The following GRM3 variants were observed in gnomAD, a reference collection of about 807,000 sequenced individuals.
GRM3 encodes metabotropic glutamate receptor 3.
A neutral mutation model predicts 70.5 loss-of-function variants in GRM3; 26 were observed. The observed-to-expected ratio is 0.37, with a 90% CI of 0.27 to 0.51. The LOEUF (loss-of-function observed/expected upper bound fraction) is 0.51. Ranked by LOEUF, GRM3 falls within the 20% of genes least tolerant of loss-of-function variation. The pLI, the probability that GRM3 is intolerant of heterozygous loss-of-function variation, is 0.93. For synonymous variants in GRM3, 443 were observed against 434.9 expected (o/e 1.02, Z -0.23); for missense variants, 859 against 1,123.8 (o/e 0.76, Z 3.37).
intron 1 of GRM3, among the ~76,000 whole-genome samples, chr7:86,654,434 A>T (rs746736809): frequency 3.3e-5 from 5 of 152,184 alleles, no homozygotes; most frequent in Non-Finnish European, 7.3e-5. Flanking sequence ...GGCTTTCTTG[A>T]CCGTTCTGAT....
At chr7:86,782,335 T>C (rs1797092344) in intron 2 of GRM3, among the ~76,000 whole-genome samples, 1 of 151,924 alleles carries the variant, frequency 6.6e-6, no homozygotes. Flanking sequence ...GGTGGTTTTT[T>C]TTTTTTGTAT....
intron 3 of GRM3, among the ~76,000 whole-genome samples, chr7:86,801,870 A>G (rs1303024739): frequency 6.6e-6 from 1 of 152,204 alleles, no homozygotes; most frequent in Admixed American, 6.5e-5. Flanking sequence ...TTGGAACCGT[A>G]AAGTGTTGTT....
At chr7:86,706,955 T>C (rs1795073171) in intron 1 of GRM3, among the ~76,000 whole-genome samples, 1 of 152,160 alleles carries the variant, frequency 6.6e-6, no homozygotes, top group South Asian at 2.1e-4. Context: ...TAGATATTTT[T>C]CAGTGAACGT....
intron 1 of GRM3, among the ~76,000 whole-genome samples, chr7:86,716,255 A>G (rs1184670490): frequency 6.6e-6 from 1 of 151,950 alleles, no homozygotes; most frequent in Non-Finnish European, 1.5e-5. Flanking sequence ...AAATAATTCT[A>G]TGACAGAGTA....
chr7:86,806,647 C>T (rs537336415), intron 3 of GRM3, among the ~76,000 whole-genome samples: 1 of 152,090 alleles, frequency 6.6e-6, no homozygotes, highest in South Asian at 2.1e-4. Context: ...GGATATTAGC[C>T]CTTTGTCAGA....
intron 1 of GRM3, among the ~76,000 whole-genome samples, chr7:86,651,266 T>C (rs1446618245): frequency 1.3e-5 from 2 of 152,252 alleles, no homozygotes; most frequent in African/African-American, 4.8e-5. Context: ...TGATTTGTGA[T>C]ATGTGCTAGA....
At chr7:86,717,095 T>C (rs1297063279) in intron 1 of GRM3, among the ~76,000 whole-genome samples, 2 of 151,956 alleles carry the variant, frequency 1.3e-5, no homozygotes, top group African/African-American at 4.8e-5. Flanking sequence ...CAAAGAATGT[T>C]CAAATATAAA....
At chr7:86,810,500 G>A (rs1584258760) in intron 3 of GRM3, among the ~76,000 whole-genome samples, 1 of 151,914 alleles carries the variant, frequency 6.6e-6, no homozygotes, top group East Asian at 1.9e-4. Context: ...AATCTTATGT[G>A]GTTCCTCCAA....
chr7:86,728,158 G>T (rs1182565490), intron 1 of GRM3, among the ~76,000 whole-genome samples: 4 of 152,036 alleles, frequency 2.6e-5, no homozygotes, highest in African/African-American at 9.7e-5. Context: ...CCAGCTCCAT[G>T]CCTGTCTCCC....
chr7:86,747,680 A>G (rs539188628), intron 1 of GRM3, among the ~76,000 whole-genome samples: 2 of 152,206 alleles, frequency 1.3e-5, no homozygotes, highest in South Asian at 4.1e-4. Flanking sequence ...CTGCTTCTGC[A>G]TCCTTACACT....
Position 86,644,866 on chromosome 7 carries a change from G to A in GRM3, c.-147G>A, listed in dbSNP as rs1323203292. 2 of 1,288,434 alleles carry A rather than the reference G, an allele frequency of 1.6e-6. No homozygotes were observed. The highest frequency in any genetic ancestry group is 3.0e-5 in the African/African-American group (2 of 65,842). The allele number at this position is 1,288,434 out of a possible 1,614,324, so 79.8% of individuals were successfully genotyped here. On this transcript the variant is annotated 5_prime_UTR_variant, in exon 1 of 6. The change creates a new upstream start codon in the 5' untranslated region. Coordinates refer to ENST00000361669, the MANE Select transcript of GRM3 (RefSeq NM_000840.3). ...CTCCAGTTCCTGCCAGGAGTTGTCGGTGCGAGGTAAGGGTCCCAGAGGAGG... is the reference window on the plus strand; with the variant it reads ...CTCCAGTTCCTGCCAGGAGTTGTCGATGCGAGGTAAGGGTCCCAGAGGAGG...
In GRM3 at chr7:86,853,278, G is replaced by A. The variant is rs183108933; in HGVS notation, c.2566+2734G>A. Reference sequence around the variant, plus strand: ...TTATATGTATATGTATACCAGGTCCGGGTAAAATGTATTTATTTCTATAGA... The same window carrying A: ...TTATATGTATATGTATACCAGGTCCAGGTAAAATGTATTTATTTCTATAGA... On this transcript the variant is annotated intron_variant, in intron 5 of 5. Transcript: ENST00000361669. Among the ~76,000 whole-genome samples the A allele has an allele frequency of 5.1e-3, 778 of 152,200 alleles. 4 individuals carry two copies. Among genetic ancestry groups the A allele is most frequent in the African/African-American group, 0.018 (727 of 41,540 alleles).
chr7:86,855,012 C>T (rs1446553547), intron 5 of GRM3, among the ~76,000 whole-genome samples: 2 of 152,160 alleles, frequency 1.3e-5, no homozygotes, highest in Non-Finnish European at 2.9e-5. Flanking sequence ...GGGCATTCTC[C>T]TTCTAATGGC....
chr7:86,787,318 C>T (rs374750684), intron 3 of GRM3, among the ~76,000 whole-genome samples: 250 of 152,236 alleles, frequency 1.6e-3, no homozygotes, highest in African/African-American at 4.9e-3. Flanking sequence ...GGCTGGTACA[C>T]GACATGGCAA....
intron 2 of GRM3, among the ~76,000 whole-genome samples, chr7:86,766,549 C>T (rs2116421303): frequency 6.6e-6 from 1 of 152,222 alleles, no homozygotes; most frequent in South Asian, 2.1e-4. Flanking sequence ...TCTAGCTTAA[C>T]TTCATCATTT....
At chr7:86,710,403 T>C (rs959726966) in intron 1 of GRM3, among the ~76,000 whole-genome samples, 8 of 151,694 alleles carry the variant, frequency 5.3e-5, no homozygotes, top group Non-Finnish European at 1.2e-4. Context: ...AAATTTCACA[T>C]TTGAATAAAT....
intron 1 of GRM3, among the ~76,000 whole-genome samples, chr7:86,663,992 A>G (rs2115857319): frequency 6.6e-6 from 1 of 152,052 alleles, no homozygotes; most frequent in East Asian, 1.9e-4. Context: ...GTGAAAGGAG[A>G]GATAATGGCA....
At chr7:86,834,399 A>G (rs1408088712) in intron 3 of GRM3, among the ~76,000 whole-genome samples, 1 of 152,146 alleles carries the variant, frequency 6.6e-6, no homozygotes, top group African/African-American at 2.4e-5. Flanking sequence ...TCTCAAATTT[A>G]TCTTTCAGTC....
At chr7:86,674,395 G>T in intron 1 of GRM3, among the ~76,000 whole-genome samples, 1 of 152,084 alleles carries the variant, frequency 6.6e-6, no homozygotes, top group East Asian at 1.9e-4. Context: ...TGACTTCTGT[G>T]ATCTAGTTTC....
Sources: gnomAD v4.1 joint callset for allele counts (sites outside exome capture counted in the v4.1 genomes callset) on GRCh38, gnomAD v4.1.1 for gene constraint, MANE v1.5 for transcripts, NCBI Gene and HGNC (gene_info 2026-07-23, HGNC 2026-07-21) for gene names.